The following EYS variants were observed in gnomAD, a reference collection of about 807,000 sequenced individuals.
EYS encodes EGF-like photoreceptor maintenance factor.
EYS carries 250 observed loss-of-function variants against 282.1 expected under a neutral mutation model. That is an observed-to-expected ratio of 0.89 (90% confidence interval 0.80 to 0.98). The LOEUF (loss-of-function observed/expected upper bound fraction) is 0.98, where lower values mean the gene tolerates loss of function less well. EYS is among the 50% of genes least tolerant of loss of function. EYS has a pLI of 0.00. For missense variants in EYS, 4,016 were observed against 3,709.0 expected (o/e 1.08, Z -2.15); for synonymous variants, 1,355 against 1,282.9 (o/e 1.06, Z -1.20).
chr6:63,951,676 T>G (rs556358683), intron 35 of EYS, among the ~76,000 whole-genome samples: 1 of 152,272 alleles, frequency 6.6e-6, no homozygotes, highest in Admixed American at 6.5e-5. Flanking sequence ...TGGTCTGGCT[T>G]ACAGTTTTGT....
intron 35 of EYS, among the ~76,000 whole-genome samples, chr6:63,938,561 T>C (rs929518336): frequency 6.6e-6 from 1 of 152,230 alleles, no homozygotes; most frequent in Non-Finnish European, 1.5e-5. Context: ...GATAGAAATA[T>C]TGAAATGTGG....
At chr6:63,772,186 A>G (rs1314639521) in intron 40 of EYS, among the ~76,000 whole-genome samples, 1 of 150,658 alleles carries the variant, frequency 6.6e-6, no homozygotes, top group Non-Finnish European at 1.5e-5. Context: ...TTTGAGGTGG[A>G]GTCTTGCTCT....
At chr6:64,593,364 G>T (rs1440075491) in intron 24 of EYS, 55 bp from the exon 25 acceptor site, 7 of 1,399,976 alleles carry the variant, frequency 5.0e-6, no homozygotes, top group Non-Finnish European at 6.8e-6. Context: ...GTTCCTAAGA[G>T]AAATTGTAAA....
At chr6:64,034,586 C>G (rs959710373) in intron 33 of EYS, among the ~76,000 whole-genome samples, 17 of 152,274 alleles carry the variant, frequency 1.1e-4, no homozygotes, top group African/African-American at 3.6e-4. Flanking sequence ...AGGTCATAAC[C>G]AAGAGCAATT....
chr6:64,849,854 A>G (rs993552731), intron 19 of EYS, among the ~76,000 whole-genome samples: 2 of 151,886 alleles, frequency 1.3e-5, no homozygotes, highest in African/African-American at 4.8e-5. Context: ...AGCTGGACAA[A>G]ATTTTCTACT....
intron 16 of EYS, among the ~76,000 whole-genome samples, chr6:64,911,961 A>C (rs910288980): frequency 6.6e-6 from 1 of 152,174 alleles, no homozygotes; most frequent in African/African-American, 2.4e-5. Context: ...GAGCTCCAAT[A>C]GTATTTTTTG....
intron 2 of EYS, among the ~76,000 whole-genome samples, chr6:65,528,444 T>A (rs1767648049): frequency 6.6e-6 from 1 of 152,226 alleles, no homozygotes; most frequent in African/African-American, 2.4e-5. Context: ...ATTTAATTGC[T>A]GTTGTAACAC....
intron 22 of EYS, among the ~76,000 whole-genome samples, chr6:64,765,292 A>G (rs1773287638): frequency 6.6e-6 from 1 of 152,146 alleles, no homozygotes. Context: ...CCTCATCTCC[A>G]TCTGAGAACA....
chr6:63,756,675 C>T (rs1047675089), intron 41 of EYS, among the ~76,000 whole-genome samples: 1 of 151,918 alleles, frequency 6.6e-6, no homozygotes, highest in Admixed American at 6.6e-5. Flanking sequence ...AAGTCAGGAC[C>T]CCAAACGGAG....
At chr6:64,690,569 G>T (rs891753649) in intron 22 of EYS, among the ~76,000 whole-genome samples, 12 of 152,236 alleles carry the variant, frequency 7.9e-5, no homozygotes, top group African/African-American at 2.9e-4. Context: ...CAAAGACTTG[G>T]AATCAACCCA....
At chr6:63,782,745 T>C (rs1241209500) in intron 39 of EYS, among the ~76,000 whole-genome samples, 2 of 152,194 alleles carry the variant, frequency 1.3e-5, no homozygotes, top group Non-Finnish European at 2.9e-5. Flanking sequence ...TGTGTCTCTA[T>C]CTCCTTCAGT....
chr6:64,269,455 A>G (rs1185300403), intron 30 of EYS, among the ~76,000 whole-genome samples: 1 of 152,070 alleles, frequency 6.6e-6, no homozygotes, highest in African/African-American at 2.4e-5. Context: ...TCTAGAAGGG[A>G]AAAGATAGTT....
intron 2 of EYS, among the ~76,000 whole-genome samples, chr6:65,497,457 T>G (rs1424366594): frequency 6.6e-6 from 1 of 151,938 alleles, no homozygotes; most frequent in Non-Finnish European, 1.5e-5. Context: ...CATCTAAAGA[T>G]TTTGAGGTGA....
At chr6:64,710,945 C>T (rs1033014276) in intron 22 of EYS, among the ~76,000 whole-genome samples, 7 of 152,068 alleles carry the variant, frequency 4.6e-5, no homozygotes, top group Admixed American at 1.3e-4. Flanking sequence ...GCTGCCACCT[C>T]GAATAAACCT....
intron 33 of EYS, among the ~76,000 whole-genome samples, chr6:64,017,189 T>C (rs768066218): frequency 2.0e-4 from 30 of 151,988 alleles, no homozygotes; most frequent in Non-Finnish European, 3.8e-4. Context: ...TAATAGCAAG[T>C]AACAGGAAGG....
At chr6:65,402,136 A>T (rs920442201) in intron 7 of EYS, among the ~76,000 whole-genome samples, 5 of 151,692 alleles carry the variant, frequency 3.3e-5, no homozygotes, top group African/African-American at 1.2e-4. Context: ...ATATATGTAT[A>T]ACAAAAATAA....
chr6:65,288,984 GA>G (rs1169856965), intron 12 of EYS, among the ~76,000 whole-genome samples: 1 of 150,630 alleles, frequency 6.6e-6, no homozygotes, highest in Non-Finnish European at 1.5e-5. Context: ...ATAATCAATT[GA>G]AAAGAATACA....
chr6:64,738,103 T>A (rs1772244397), intron 22 of EYS, among the ~76,000 whole-genome samples: 1 of 152,122 alleles, frequency 6.6e-6, no homozygotes, highest in Admixed American at 6.6e-5. Flanking sequence ...TTTCCACCAT[T>A]CTGATAAGGA....
intron 33 of EYS, among the ~76,000 whole-genome samples, chr6:64,003,449 G>A (rs1419036324): frequency 1.3e-5 from 2 of 152,032 alleles, no homozygotes; most frequent in African/African-American, 4.8e-5. Context: ...TAATATGATT[G>A]GATTAATTTG....
Sources: allele counts gnomAD v4.1 joint callset (sites outside exome capture counted in the v4.1 genomes callset), GRCh38; gene constraint gnomAD v4.1.1; transcripts MANE v1.5; gene names NCBI Gene and HGNC (gene_info 2026-07-23, HGNC 2026-07-21).